The following TBL1X variants were observed in gnomAD, a reference collection of about 807,000 sequenced individuals.
The protein encoded by TBL1X is transducin beta like 1 X-linked.
A neutral mutation model predicts 50.7 loss-of-function variants in TBL1X; 10 were observed. That is an observed-to-expected ratio of 0.20 (90% CI 0.12 to 0.33). The LOEUF (loss-of-function observed/expected upper bound fraction) is 0.33. Ranked by LOEUF, TBL1X falls within the 10% of genes least tolerant of loss-of-function variation. The pLI is 1.00. For synonymous variants in TBL1X, 190 were observed against 214.7 expected (o/e 0.88, Z 1.01); for missense variants, 340 against 504.4 (o/e 0.67, Z 3.12).
At chrX:9,482,060 T>C (rs990461073) in intron 1 of TBL1X, among the ~76,000 whole-genome samples, 1 of 112,049 alleles carries the variant, frequency 8.9e-6, no homozygotes, top group Non-Finnish European at 1.9e-5. Context: ...TAGAATCTAG[T>C]CTTGTTCACT....
intron 2 of TBL1X, among the ~76,000 whole-genome samples, chrX:9,539,200 A>G (rs767573707): frequency 4.5e-5 from 5 of 112,235 alleles, no homozygotes; most frequent in African/African-American, 1.6e-4. Context: ...TGTGACCTTT[A>G]TCACAAGAGT....
intron 1 of TBL1X, among the ~76,000 whole-genome samples, chrX:9,489,379 G>A (rs1036552855): frequency 2.4e-4 from 27 of 111,892 alleles, no homozygotes; most frequent in Non-Finnish European, 4.3e-4. Context: ...CAGCATTTTG[G>A]CTCAAAAATA....
chrX:9,602,106 C>A (rs1300011123), intron 2 of TBL1X, among the ~76,000 whole-genome samples: 1 of 112,150 alleles, frequency 8.9e-6, no homozygotes, highest in Non-Finnish European at 1.9e-5. Context: ...GGCATAATTA[C>A]AATATGATTT....
At chrX:9,705,289 G>C (rs891730216) in intron 13 of TBL1X, among the ~76,000 whole-genome samples, 175 bp downstream of exon 13, 1 of 112,068 alleles carries the variant, frequency 8.9e-6, no homozygotes, top group Non-Finnish European at 1.9e-5. Flanking sequence ...GATTGACTCA[G>C]TTTGGGGTTG....
intron 13 of TBL1X, among the ~76,000 whole-genome samples, chrX:9,706,569 A>G (rs1195127604): frequency 9.0e-6 from 1 of 111,349 alleles, no homozygotes; most frequent in African/African-American, 3.3e-5. Flanking sequence ...GCAGAGGCTG[A>G]CAAATCCATT....
intron 5 of TBL1X, among the ~76,000 whole-genome samples, chrX:9,676,106 G>T (rs1352726846): frequency 8.9e-6 from 1 of 112,034 alleles, no homozygotes; most frequent in African/African-American, 3.2e-5. Flanking sequence ...TAAATCTCTG[G>T]TTTAGCATTC....
chrX:9,622,283 C>A (rs2082671179), intron 2 of TBL1X, among the ~76,000 whole-genome samples: 1 of 110,832 alleles, frequency 9.0e-6, no homozygotes, highest in Non-Finnish European at 1.9e-5. Flanking sequence ...TGCACTGATT[C>A]TCCATCCCCC....
At chrX:9,602,009 A>C (rs1418498069) in intron 2 of TBL1X, among the ~76,000 whole-genome samples, 1 of 112,058 alleles carries the variant, frequency 8.9e-6, no homozygotes, top group Non-Finnish European at 1.9e-5. Flanking sequence ...GCGCCACTGC[A>C]CTCCAGCCTG....
intron 2 of TBL1X, among the ~76,000 whole-genome samples, chrX:9,538,840 C>G (rs1170541886): frequency 8.9e-6 from 1 of 112,712 alleles, no homozygotes; most frequent in Non-Finnish European, 1.9e-5. Flanking sequence ...TTGCATGGCC[C>G]AGTGCCAGGG....
At chrX:9,646,004 T>C (rs183590435) in intron 3 of TBL1X, among the ~76,000 whole-genome samples, 1 of 112,559 alleles carries the variant, frequency 8.9e-6, no homozygotes, top group Admixed American at 9.4e-5. Flanking sequence ...TTCGCTGGGA[T>C]TTAAGTTGGT....
chrX:9,707,250 G>A (rs2083214086), intron 13 of TBL1X, among the ~76,000 whole-genome samples: 2 of 111,028 alleles, frequency 1.8e-5, no homozygotes, highest in African/African-American at 6.6e-5. Flanking sequence ...CTGGCCCAGG[G>A]GTCCCTGTCC....
At chrX:9,482,577 A>T (rs755162953) in intron 1 of TBL1X, among the ~76,000 whole-genome samples, 1 of 112,136 alleles carries the variant, frequency 8.9e-6, no homozygotes, top group Non-Finnish European at 1.9e-5. Flanking sequence ...GAACATTAAC[A>T]TCTTTGTCAT....
At chrX:9,560,921 A>G (rs1414204995) in intron 2 of TBL1X, among the ~76,000 whole-genome samples, 1 of 111,880 alleles carries the variant, frequency 8.9e-6, no homozygotes, top group African/African-American at 3.3e-5. Flanking sequence ...GAACTGTGTC[A>G]TTCTTACCGA....
At chrX:9,486,041 A>G (rs2081910698) in intron 1 of TBL1X, among the ~76,000 whole-genome samples, 1 of 110,775 alleles carries the variant, frequency 9.0e-6, no homozygotes, top group Non-Finnish European at 1.9e-5. Context: ...AGGGGGTTTG[A>G]ACATGCTTCA....
At chrX:9,573,259 C>T (rs186445748) in intron 2 of TBL1X, among the ~76,000 whole-genome samples, 1 of 112,106 alleles carries the variant, frequency 8.9e-6, no homozygotes, top group Non-Finnish European at 1.9e-5. Flanking sequence ...TGCTAAAAGC[C>T]TTCCTATTAG....
rs372059455 is a variant in TBL1X at position 9,598,187 on chromosome X, C to G, written c.-130-42086C>G. On this transcript the variant is annotated intron_variant, in intron 2 of 17. Coordinates refer to ENST00000645353, the MANE Select transcript of TBL1X (RefSeq NM_005647.4). ...CAACCCTACTGACGCCTTGATGTCTCTGAATTCTGCACTCCAGAACCGTGA... is the reference window on the plus strand; with the variant it reads ...CAACCCTACTGACGCCTTGATGTCTGTGAATTCTGCACTCCAGAACCGTGA... Among the ~76,000 whole-genome samples the G allele has an allele frequency of 2.7e-5, 3 of 111,673 alleles. No individual in the cohort carries two copies. In the South Asian group the frequency reaches 1.1e-3, roughly 42 times the overall value.
At chrX:9,575,708 C>G (rs2082408059) in intron 2 of TBL1X, among the ~76,000 whole-genome samples, 1 of 112,137 alleles carries the variant, frequency 8.9e-6, no homozygotes, top group Admixed American at 9.4e-5. Context: ...ACACGATTGG[C>G]TAACTTCCAT....
chrX:9,702,663 A>G (rs1230059476), intron 12 of TBL1X, among the ~76,000 whole-genome samples: 1 of 110,880 alleles, frequency 9.0e-6, no homozygotes, highest in East Asian at 2.8e-4. Context: ...TCGATTGGTA[A>G]GGACATGGTG....
intron 2 of TBL1X, among the ~76,000 whole-genome samples, chrX:9,585,095 C>A (rs1341425771): frequency 2.7e-5 from 3 of 111,742 alleles, no homozygotes; most frequent in African/African-American, 6.5e-5. Context: ...TTAAAAATTT[C>A]CAGTCTGAGG....
Sources: gnomAD v4.1 joint callset for allele counts (sites outside exome capture counted in the v4.1 genomes callset) on GRCh38, gnomAD v4.1.1 for gene constraint, MANE v1.5 for transcripts, NCBI Gene and HGNC (gene_info 2026-07-23, HGNC 2026-07-21) for gene names.